Variants in FOCAD observed in about 807,000 individuals in gnomAD.
The protein encoded by FOCAD is focadhesin, also known as KIAA1797.
FOCAD carries 198 observed loss-of-function variants against 225.6 expected under a neutral mutation model. That is an observed-to-expected ratio of 0.88 (90% CI 0.78 to 0.99). The LOEUF (loss-of-function observed/expected upper bound fraction) is 0.99, where lower values mean the gene tolerates loss of function less well. Among genes scored for constraint, FOCAD ranks in the 50% least tolerant of loss-of-function variants. FOCAD has a pLI of 0.00. For synonymous variants in FOCAD, 897 were observed against 755.0 expected (o/e 1.19, Z -3.08); for missense variants, 2,713 against 2,123.6 (o/e 1.28, Z -5.46).
chr9:20,762,597 A>C (rs929484261), intron 6 of FOCAD, among the ~76,000 whole-genome samples: 2 of 152,224 alleles, frequency 1.3e-5, no homozygotes, highest in Non-Finnish European at 2.9e-5. Context: ...TGGCATTTTG[A>C]AATCACATTG....
chr9:20,788,443 G>C (rs1820167647), intron 10 of FOCAD, among the ~76,000 whole-genome samples: 1 of 151,950 alleles, frequency 6.6e-6, no homozygotes. Context: ...ACTTTAAAAG[G>C]GTGCCTTTTA....
chr9:20,892,132 A>G (rs1219774503), intron 21 of FOCAD, among the ~76,000 whole-genome samples: 3 of 152,162 alleles, frequency 2.0e-5, no homozygotes, highest in Non-Finnish European at 2.9e-5. Flanking sequence ...AAAAAAAAAG[A>G]TTCCTTTCAA....
At chr9:20,885,919 G>T (rs1008247529) in intron 21 of FOCAD, among the ~76,000 whole-genome samples, 1 of 152,022 alleles carries the variant, frequency 6.6e-6, no homozygotes, top group African/African-American at 2.4e-5. Flanking sequence ...AGACATAGTA[G>T]GTTATATATC....
intron 4 of FOCAD, among the ~76,000 whole-genome samples, chr9:20,725,581 C>G (rs1826130889): frequency 6.6e-6 from 1 of 152,084 alleles, no homozygotes; most frequent in Non-Finnish European, 1.5e-5. Context: ...GTAGATGTGC[C>G]CATCTCTTCC....
chr9:20,689,920 G>A (rs919529648), intron 1 of FOCAD, among the ~76,000 whole-genome samples: 4 of 152,144 alleles, frequency 2.6e-5, no homozygotes, highest in East Asian at 1.9e-4. Context: ...GTTATCTGTC[G>A]GAGAAAGGAT....
intron 8 of FOCAD, among the ~76,000 whole-genome samples, chr9:20,775,428 A>C (rs914209722): frequency 1.7e-4 from 26 of 152,172 alleles, no homozygotes; most frequent in Admixed American, 1.2e-3. Flanking sequence ...GTTCCAACCA[A>C]CTTTCTTCAC....
intron 14 of FOCAD, among the ~76,000 whole-genome samples, 180 bp downstream of exon 14, chr9:20,821,251 T>C (rs1307941500): frequency 2.0e-5 from 3 of 151,478 alleles, no homozygotes; most frequent in Non-Finnish European, 4.4e-5. Context: ...TTGAGAAGTA[T>C]GTCTTTTCTT....
intron 3 of FOCAD, among the ~76,000 whole-genome samples, chr9:20,718,334 C>T (rs1048778013): frequency 6.6e-6 from 1 of 152,184 alleles, no homozygotes; most frequent in Non-Finnish European, 1.5e-5. Flanking sequence ...TTCCATCTTA[C>T]ACAAATAGCA....
At chr9:20,882,240 G>A (rs1054201784) in intron 20 of FOCAD, among the ~76,000 whole-genome samples, 184 bp downstream of exon 20, 2 of 152,188 alleles carry the variant, frequency 1.3e-5, no homozygotes, top group African/African-American at 4.8e-5. Flanking sequence ...CAAATAGATG[G>A]ATTTAAGTTT....
intron 5 of FOCAD, among the ~76,000 whole-genome samples, chr9:20,741,625 C>T (rs960208013): frequency 2.8e-5 from 4 of 144,650 alleles, no homozygotes; most frequent in Non-Finnish European, 4.5e-5. Context: ...TTTGAAAATA[C>T]TATGAAAACT....
upstream of FOCAD, among the ~76,000 whole-genome samples, chr9:20,679,498 C>G (rs1363973886): frequency 6.6e-6 from 1 of 152,096 alleles, no homozygotes; most frequent in Non-Finnish European, 1.5e-5. Flanking sequence ...AGGATTCAGA[C>G]TACAGTGTCT....
At chr9:20,893,636 T>A (rs1302574018) in intron 21 of FOCAD, among the ~76,000 whole-genome samples, 3 of 152,024 alleles carry the variant, frequency 2.0e-5, no homozygotes, top group Non-Finnish European at 4.4e-5. Flanking sequence ...AGTGAGCGAG[T>A]GAATAAATGG....
chr9:20,871,641 G>T lies in FOCAD; in HGVS notation c.2191-3040G>T, dbSNP rs566372381. Among the ~76,000 whole-genome samples the T allele has an allele frequency of 2.0e-5, 3 of 148,768 alleles. No homozygotes were observed. In the East Asian group the frequency reaches 6.0e-4, roughly 30 times the overall value. The stretch of plus-strand genomic sequence containing the variant: ...ACCACCTGTTCCCAAATAACCTATG[G>T]AAATAAAAAATTTAAAAAAAAAAAC... On this transcript the variant is annotated intron_variant, in intron 18 of 43. Coordinates refer to ENST00000338382, the MANE Select transcript of FOCAD (RefSeq NM_001375567.1).
intron 1 of FOCAD, among the ~76,000 whole-genome samples, chr9:20,714,929 A>G (rs1201142546): frequency 6.6e-6 from 1 of 152,214 alleles, no homozygotes; most frequent in Admixed American, 6.5e-5. Flanking sequence ...AGCTTGTGCC[A>G]AAGTGAGGCA....
intron 4 of FOCAD, among the ~76,000 whole-genome samples, chr9:20,723,051 G>C (rs555878905): frequency 9.2e-5 from 14 of 152,166 alleles, no homozygotes; most frequent in Non-Finnish European, 1.9e-4. Context: ...AATTATGCTG[G>C]TGTGAGGTAT....
At chr9:20,870,707 A>G (rs1829686932) in intron 18 of FOCAD, among the ~76,000 whole-genome samples, 1 of 152,180 alleles carries the variant, frequency 6.6e-6, no homozygotes, top group South Asian at 2.1e-4. Flanking sequence ...CTGTGTTACC[A>G]GATGTTTCTG....
intron 8 of FOCAD, among the ~76,000 whole-genome samples, chr9:20,776,714 T>G (rs1818794680): frequency 6.6e-6 from 1 of 152,230 alleles, no homozygotes; most frequent in Non-Finnish European, 1.5e-5. Flanking sequence ...AGCTACTTTA[T>G]GGGCCTTGCA....
intron 8 of FOCAD, among the ~76,000 whole-genome samples, chr9:20,778,172 G>A (rs1818983265): frequency 6.7e-6 from 1 of 149,178 alleles, no homozygotes; most frequent in Non-Finnish European, 1.5e-5. Context: ...TGAATTATTT[G>A]GTTTATAGCA....
At chr9:20,910,611 T>G (rs1184535542) in intron 22 of FOCAD, among the ~76,000 whole-genome samples, 2 of 152,068 alleles carry the variant, frequency 1.3e-5, no homozygotes, top group Non-Finnish European at 2.9e-5. Context: ...GATTAATCAT[T>G]GGAATCTACA....
Sources: allele counts gnomAD v4.1 joint callset (sites outside exome capture counted in the v4.1 genomes callset), GRCh38; gene constraint gnomAD v4.1.1; transcripts MANE v1.5; gene names NCBI Gene and HGNC (gene_info 2026-07-23, HGNC 2026-07-21).